CNBD1: variants seen among roughly 807,000 people sequenced by gnomAD.
The protein encoded by CNBD1 is cyclic nucleotide binding domain containing 1.
In CNBD1, 71 loss-of-function variants were observed where a neutral mutation model predicts 54.4. The observed-to-expected ratio is 1.30, with a 90% CI of 1.08 to 1.59. The LOEUF (loss-of-function observed/expected upper bound fraction) is 1.59. CNBD1 is among the 40% of genes most tolerant of loss of function. The pLI is 0.00. For synonymous variants in CNBD1, 182 were observed against 170.7 expected (o/e 1.07, Z -0.51); for missense variants, 659 against 518.0 (o/e 1.27, Z -2.64).
intron 4 of CNBD1, among the ~76,000 whole-genome samples, chr8:87,181,494 T>C (rs903058517): frequency 1.3e-5 from 2 of 152,332 alleles, no homozygotes; most frequent in Admixed American, 1.3e-4. Context: ...ATTGAATTTA[T>C]TGGCATAAAG....
intron 4 of CNBD1, among the ~76,000 whole-genome samples, chr8:87,186,769 A>AT (rs34457768): frequency 5.9e-5 from 9 of 152,040 alleles, no homozygotes; most frequent in African/African-American, 2.2e-4. Context: ...AGTGTAAGTA[A>AT]TTTTTTAAAA....
intron 1 of CNBD1, among the ~76,000 whole-genome samples, chr8:86,869,761 A>G (rs1215090700): frequency 1.3e-5 from 2 of 152,186 alleles, no homozygotes; most frequent in African/African-American, 4.8e-5. Context: ...CCTAAGTGAA[A>G]TGGCATCTGG....
intron 4 of CNBD1, among the ~76,000 whole-genome samples, chr8:87,092,668 T>C (rs1052216223): frequency 2.1e-4 from 32 of 151,952 alleles, no homozygotes; most frequent in African/African-American, 7.5e-4. Context: ...CTGCTAAATA[T>C]TGGTACTTTT....
chr8:87,372,963 C>T lies in CNBD1; in HGVS notation c.1304-9657C>T, dbSNP rs1207642968. ...TCCTGTGATTTTTTTCTTCCTGTTTCTGTCTACCTTACACTTCTGTTACTT... is the reference window on the plus strand; with the variant it reads ...TCCTGTGATTTTTTTCTTCCTGTTTTTGTCTACCTTACACTTCTGTTACTT... On this transcript the variant is annotated intron_variant, in intron 10 of 10. Transcript: ENST00000518476. Among the ~76,000 whole-genome samples the T allele has an allele frequency of 7.3e-5, 11 of 151,722 alleles. No homozygotes were observed. In the Admixed American group the frequency reaches 7.3e-4, roughly 10 times the overall value.
intron 4 of CNBD1, among the ~76,000 whole-genome samples, chr8:87,069,137 G>A (rs773945967): frequency 3.3e-5 from 5 of 151,930 alleles, no homozygotes; most frequent in African/African-American, 7.2e-5. Flanking sequence ...CTTTGTAAAC[G>A]TACCCGTTTA....
At chr8:87,368,966 CT>C (rs1312457099) in intron 10 of CNBD1, among the ~76,000 whole-genome samples, 1 of 151,892 alleles carries the variant, frequency 6.6e-6, no homozygotes, top group Non-Finnish European at 1.5e-5. Context: ...TATTACAGAG[CT>C]ATTAAGGGGT....
At chr8:87,113,867 C>T (rs892987270) in intron 4 of CNBD1, among the ~76,000 whole-genome samples, 5 of 150,872 alleles carry the variant, frequency 3.3e-5, no homozygotes, top group African/African-American at 7.3e-5. Flanking sequence ...TGCAGTGAGC[C>T]GAGATCGCGC....
chr8:87,270,692 T>C (rs903042834), intron 6 of CNBD1, among the ~76,000 whole-genome samples: 2 of 151,872 alleles, frequency 1.3e-5, no homozygotes, highest in Non-Finnish European at 2.9e-5. Flanking sequence ...TCTTTATTTT[T>C]AAAAAAATTT....
intron 8 of CNBD1, among the ~76,000 whole-genome samples, chr8:87,293,792 G>C (rs1808826963): frequency 6.6e-6 from 1 of 152,126 alleles, no homozygotes; most frequent in Admixed American, 6.6e-5. Flanking sequence ...TAGGAGAGAG[G>C]ATTTTTTGGA....
intron 4 of CNBD1, among the ~76,000 whole-genome samples, chr8:87,121,024 A>T (rs555959415): frequency 6.6e-6 from 1 of 152,044 alleles, no homozygotes; most frequent in African/African-American, 2.4e-5. Context: ...CTATCTGGGC[A>T]TGTACTTTCA....
rs868634941 is a variant in CNBD1 at position 87,298,523 on chromosome 8, C to T, written c.1042+11852C>T. ...TTTTTGAGATGGAGCCTCTCACTGT[C>T]GCCCAGGCTGGAGTACAGTGGAGCA... On this transcript the variant is annotated intron_variant, in intron 8 of 10. Transcript: ENST00000518476. 6.5e-5 allele frequency among the ~76,000 whole-genome samples: 9 copies of T among 139,368 alleles called. No individual in the cohort carries two copies. In the South Asian group the frequency reaches 9.1e-4, roughly 14 times the overall value. 91.4% of individuals were successfully genotyped at this position (139,368 alleles called of 152,430 possible).
intron 4 of CNBD1, among the ~76,000 whole-genome samples, chr8:87,177,006 G>A (rs560498389): frequency 2.6e-5 from 4 of 152,222 alleles, no homozygotes; most frequent in African/African-American, 9.6e-5. Flanking sequence ...GACACTGCCA[G>A]TATGATCTTG....
chr8:87,373,020 T>A (rs1015663044), intron 10 of CNBD1, among the ~76,000 whole-genome samples: 5 of 151,850 alleles, frequency 3.3e-5, no homozygotes, highest in Admixed American at 6.6e-5. Context: ...TTATATGATA[T>A]TTTTTATTAT....
intron 8 of CNBD1, among the ~76,000 whole-genome samples, chr8:87,344,690 C>T (rs908403792): frequency 6.6e-5 from 10 of 151,082 alleles, no homozygotes; most frequent in African/African-American, 1.7e-4. Context: ...TAATCAGGTA[C>T]GTCATTATTT....
intron 2 of CNBD1, among the ~76,000 whole-genome samples, chr8:86,899,093 C>T (rs1330833830): frequency 6.7e-6 from 1 of 149,552 alleles, no homozygotes; most frequent in African/African-American, 2.5e-5. Context: ...TAAAATACTA[C>T]ATCATCCCAC....
intron 2 of CNBD1, among the ~76,000 whole-genome samples, chr8:86,896,138 A>G (rs942755537): frequency 9.9e-5 from 15 of 152,168 alleles, no homozygotes; most frequent in Admixed American, 4.6e-4. Context: ...ATAAGGAAAC[A>G]TAAAGGACCC....
In CNBD1 at chr8:87,129,635, G is replaced by A. The variant is rs1812075158; in HGVS notation, c.432-76358G>A. Among the ~76,000 whole-genome samples, 2 of 151,820 alleles carry A rather than the reference G, an allele frequency of 1.3e-5. 1 individual carries two copies. On this transcript the variant is annotated intron_variant, in intron 4 of 10. Transcript: ENST00000518476. ...TTTTGTTTTTCAAGATGTAGCTTTA[G>A]GTCATTGGATTTAGACTTTACTTTT...
chr8:87,109,021 A>G, intron 4 of CNBD1, among the ~76,000 whole-genome samples: 1 of 152,320 alleles, frequency 6.6e-6, no homozygotes, highest in Non-Finnish European at 1.5e-5. Flanking sequence ...CTTATATACT[A>G]TTATTTTTAA....
In CNBD1 at chr8:87,286,615, T is replaced by C. The variant is rs371239425; in HGVS notation, c.986T>C (p.Leu329Ser). 1.1e-4 allele frequency: 164 copies of C among 1,523,594 alleles called. No individual in the cohort carries two copies. Among genetic ancestry groups the C allele is most frequent in the Non-Finnish European group, 1.4e-4 (156 of 1,121,060 alleles). The allele number at this position is 1,523,594 out of a possible 1,614,324, so 94.4% of individuals were successfully genotyped here. Residue 329 changes from leucine to serine, a missense_variant, in exon 8 of 11, where the codon TTA becomes TCA. Leu to Ser is a moderately radical substitution (Grantham distance 145, BLOSUM62 -2). Coordinates refer to ENST00000518476, the MANE Select transcript of CNBD1 (RefSeq NM_173538.3). ...MCPYYEEWPT[L>S]SIYELIALLK... ...CCTTATTATGAGGAATGGCCTACTT[T>C]ATCCATATATGAGCTAATTGCACTC... is the stretch of plus-strand genomic sequence containing the variant.
Sources: allele counts gnomAD v4.1 joint callset (sites outside exome capture counted in the v4.1 genomes callset), GRCh38; gene constraint gnomAD v4.1.1; transcripts MANE v1.5; gene names NCBI Gene and HGNC (gene_info 2026-07-23, HGNC 2026-07-21).